The following DNAH14 variants were observed in gnomAD, a reference collection of about 807,000 sequenced individuals.
DNAH14 encodes the protein axonemal beta dynein heavy chain 14.
Under a neutral mutation model 520.9 loss-of-function variants are expected in DNAH14, and 478 were observed. That is an observed-to-expected ratio of 0.92 (90% CI 0.85 to 0.99). DNAH14 has a LOEUF of 0.99. DNAH14 is among the 50% of genes least tolerant of loss of function. The pLI is 0.00. For missense variants in DNAH14, 4,831 were observed against 5,234.5 expected (o/e 0.92, Z 2.38); for synonymous variants, 1,581 against 1,757.2 (o/e 0.90, Z 2.51).
intron 41 of DNAH14, among the ~76,000 whole-genome samples, chr1:225,210,398 G>T (rs2088217070): frequency 6.6e-6 from 1 of 152,200 alleles, no homozygotes; most frequent in African/African-American, 2.4e-5. Context: ...GAACTGGGAA[G>T]TTCAAACTAG....
chr1:225,010,372 G>A (rs1240836362), intron 10 of DNAH14, among the ~76,000 whole-genome samples: 1 of 152,018 alleles, frequency 6.6e-6, no homozygotes, highest in African/African-American at 2.4e-5. Flanking sequence ...TTCATCATTG[G>A]TTCTGTTTAT....
intron 27 of DNAH14, among the ~76,000 whole-genome samples, chr1:225,126,450 C>T (rs1405612888): frequency 3.3e-5 from 5 of 152,098 alleles, no homozygotes; most frequent in Non-Finnish European, 7.4e-5. Context: ...GTGTATGTGT[C>T]GAGGAATTTA....
chr1:224,979,828 G>A (rs192681035), intron 8 of DNAH14, among the ~76,000 whole-genome samples: 72 of 152,256 alleles, frequency 4.7e-4, no homozygotes, highest in Admixed American at 1.1e-3. Flanking sequence ...AGGGTACCAG[G>A]CAGAGTCATG....
intron 25 of DNAH14, 32 bp from the exon 26 acceptor site, chr1:225,119,185 ATTC>A: frequency 7.0e-7 from 1 of 1,425,396 alleles, no homozygotes; most frequent in Non-Finnish European, 9.4e-7. Context: ...TTAAAAAATA[ATTC>A]TTCATGATAT....
At chr1:225,196,358 T>C (rs560818466) in intron 38 of DNAH14, among the ~76,000 whole-genome samples, 1 of 152,326 alleles carries the variant, frequency 6.6e-6, no homozygotes, top group African/African-American at 2.4e-5. Flanking sequence ...TTCATTTTTA[T>C]GGCTGTAGTA....
chr1:225,313,350 T>A (rs1372361115), intron 60 of DNAH14, among the ~76,000 whole-genome samples: 1 of 152,134 alleles, frequency 6.6e-6, no homozygotes, highest in Non-Finnish European at 1.5e-5. Flanking sequence ...TCTTTATTAG[T>A]CTGGCTAGTG....
Position 225,234,607 on chromosome 1 carries a change from TA to T in DNAH14, c.6518+3457del, listed in dbSNP as rs555869692. Among the ~76,000 whole-genome samples, 4 of 152,346 alleles carry T rather than the reference TA, an allele frequency of 2.6e-5. No homozygotes were observed. The South Asian group carries it at 8.3e-4, about 32-fold the overall frequency. On this transcript the variant is annotated intron_variant, in intron 42 of 85. Transcript: ENST00000682510. Reference sequence around the variant, plus strand: ...AATGTCGATGGTAGTTTAATAGGAATAGCATTGAATCTCTAAATTGCTTTGG... The same window carrying T: ...AATGTCGATGGTAGTTTAATAGGAATGCATTGAATCTCTAAATTGCTTTGG...
At chr1:225,077,588 A>G (rs1015825166) in intron 17 of DNAH14, among the ~76,000 whole-genome samples, 1 of 152,202 alleles carries the variant, frequency 6.6e-6, no homozygotes, top group Non-Finnish European at 1.5e-5. Context: ...TGCACTTTCC[A>G]TATGCCAGGT....
intron 77 of DNAH14, among the ~76,000 whole-genome samples, chr1:225,372,577 G>A (rs1376039256): frequency 1.3e-5 from 2 of 152,026 alleles, no homozygotes; most frequent in South Asian, 2.1e-4. Flanking sequence ...ATAAATTCCC[G>A]AATGGAATAA....
At chr1:224,943,583 T>A (rs531795557) in intron 1 of DNAH14, among the ~76,000 whole-genome samples, 14 of 152,198 alleles carry the variant, frequency 9.2e-5, no homozygotes, top group Non-Finnish European at 1.6e-4. Context: ...TTAATTGCGA[T>A]GTTAGGGCGT....
At chr1:225,377,121 G>A (rs1427992903) in intron 78 of DNAH14, 116 bp from the exon 79 acceptor site, 39 of 852,464 alleles carry the variant, frequency 4.6e-5, no homozygotes, top group Non-Finnish European at 8.4e-6. Flanking sequence ...AATTTCATGG[G>A]AAAATATTGT....
At chr1:224,946,429 C>T (rs954445475) in intron 1 of DNAH14, among the ~76,000 whole-genome samples, 5 of 152,120 alleles carry the variant, frequency 3.3e-5, no homozygotes, top group Non-Finnish European at 5.9e-5. Flanking sequence ...TTCCCTGACC[C>T]CTTGAGCTTC....
At position 225,051,662 on chromosome 1, in the gene DNAH14, A is replaced by C. The variant is rs1377597484; in HGVS notation, c.2291A>C (p.Lys764Thr). ...FRHIVNMAIE[K>T]RIGIFNVVSL... is the part of the protein sequence containing the mutation. ...CATATTGTGAATATGGCCATTGAGAAGCGTATTGGTATTTTCAACGTTGTA... is the reference window on the plus strand; with the variant it reads ...CATATTGTGAATATGGCCATTGAGACGCGTATTGGTATTTTCAACGTTGTA... The change falls in exon 17 of 86, where the codon AAG becomes ACG. Residue 764 changes from lysine to threonine, a missense_variant. Lys to Thr is a moderately conservative substitution (Grantham distance 78, BLOSUM62 -1). Transcript: ENST00000682510. The C allele has an allele frequency of 6.4e-7, 1 of 1,551,246 alleles. No individual in the cohort carries two copies. The highest frequency in any genetic ancestry group is 8.7e-7 in the Non-Finnish European group (1 of 1,146,654).
rs895822879 is a variant in DNAH14 at position 225,071,512 on chromosome 1, A to G, written c.2425-7695A>G. 3.3e-5 allele frequency among the ~76,000 whole-genome samples: 5 copies of G among 151,998 alleles called. No homozygotes were observed. In the East Asian group the frequency reaches 7.7e-4, roughly 23 times the overall value. On this transcript the variant is annotated intron_variant, in intron 17 of 85. Coordinates refer to ENST00000682510, the MANE Select transcript of DNAH14 (RefSeq NM_001367479.1). ...CAAGTATGTTGAATATTGGCCTCCA[A>G]TCTCTTTTGATTTGTAGGGTTTCCA...
chr1:225,082,171 G>GGTGTGTGTGTGTGTGTGTGTGTGTGT (rs56658194), intron 19 of DNAH14, among the ~76,000 whole-genome samples: 9 of 145,322 alleles, frequency 6.2e-5, no homozygotes, highest in East Asian at 2.0e-4. Flanking sequence ...GAATGTTTGT[G>GGTGTGTGTGTGTGTGTGTGTGTGTGT]GTGTGTGTGT....
intron 5 of DNAH14, 103 bp downstream of exon 5, chr1:224,964,712 A>G (rs2061052418): frequency 9.9e-7 from 1 of 1,006,598 alleles, no homozygotes; most frequent in East Asian, 2.8e-5. Context: ...CAAACATTAC[A>G]TTAATATCAA....
At chr1:224,987,407 A>C (rs915868104) in intron 8 of DNAH14, among the ~76,000 whole-genome samples, 4 of 152,180 alleles carry the variant, frequency 2.6e-5, no homozygotes, top group East Asian at 3.9e-4. Flanking sequence ...GGCCTGTCTC[A>C]GTTCATTTTG....
chr1:225,264,262 G>T lies in DNAH14; in HGVS notation c.7222+1G>T, dbSNP rs1311303697. On this transcript the variant is annotated splice_donor_variant, in intron 47 of 85. Transcript: ENST00000682510. LOFTEE classifies it high-confidence loss of function. ...CATAAGACAGCAACTGGAAGTTCAG[G>T]TATATATTATAGTACAGTTTCAAAG... 3 of 1,547,636 alleles carry T rather than the reference G, an allele frequency of 1.9e-6. No individual in the cohort carries two copies. The highest frequency in any genetic ancestry group is 2.6e-6 in the Non-Finnish European group (3 of 1,144,004).
intron 17 of DNAH14, among the ~76,000 whole-genome samples, chr1:225,058,952 T>G (rs1436590297): frequency 1.3e-5 from 2 of 152,336 alleles, no homozygotes; most frequent in African/African-American, 4.8e-5. Flanking sequence ...TACTTCCAAC[T>G]ATGTGGTCAA....
Sources: allele counts gnomAD v4.1 joint callset (sites outside exome capture counted in the v4.1 genomes callset), GRCh38; gene constraint gnomAD v4.1.1; transcripts MANE v1.5; gene names NCBI Gene and HGNC (gene_info 2026-07-23, HGNC 2026-07-21).